The following NBPF12 variants were observed in gnomAD, a reference collection of about 807,000 sequenced individuals.
NBPF12 encodes the protein NBPF member 12.
NBPF12 carries 115 observed loss-of-function variants against 146.4 expected under a neutral mutation model. The ratio of observed to expected loss-of-function variants is 0.79; its 90% CI spans 0.68 to 0.92. The LOEUF is 0.92. Ranked by LOEUF, NBPF12 falls within the 40% of genes least tolerant of loss-of-function variation. The probability of loss-of-function intolerance (pLI) is 0.00; values close to 1 mark genes in which losing one functional copy is unlikely to be tolerated. For missense variants in NBPF12, 1,205 were observed against 1,326.8 expected (o/e 0.91, Z 1.43); for synonymous variants, 385 against 508.9 (o/e 0.76, Z 3.28).
At chr1:146,974,037 C>G (rs1427366768) in intron 14 of NBPF12, among the ~76,000 whole-genome samples, 1 of 150,904 alleles carries the variant, frequency 6.6e-6, no homozygotes, top group Non-Finnish European at 1.5e-5. Context: ...ACAATAATAC[C>G]TACCTCTGTA....
chr1:146,962,217 A>G, exon 5 of NBPF12: 3 of 1,608,144 alleles, frequency 1.9e-6, no homozygotes, highest in South Asian at 1.1e-5. Context: ...GCGACAGTTC[A>G]AGGAGGAGAA....
chr1:146,962,005 G>T (rs1266861886), intron 4 of NBPF12, among the ~76,000 whole-genome samples, 156 bp from the exon 8 acceptor site: 1 of 152,030 alleles, frequency 6.6e-6, no homozygotes, highest in Admixed American at 6.5e-5. Context: ...CAGAAAGTCA[G>T]GAGACTGAAG....
intron 2 of NBPF12, 144 bp from the exon 6 acceptor site, chr1:146,959,715 A>C: frequency 2.0e-5 from 1 of 49,662 alleles, no homozygotes; most frequent in Non-Finnish European, 3.4e-5. Context: ...CTGAGAGTGA[A>C]TGCTGAAGGA....
rs1486922082 is a variant in NBPF12 at position 146,984,882 on chromosome 1, A to C, written c.2736A>C (p.Ser912=). ...AGGACTCACTGGATAGATGTTATTCAACTCCTTCAGTTTATCTTGGACTGA... is the reference window on the plus strand; with the variant it reads ...AGGACTCACTGGATAGATGTTATTCCACTCCTTCAGTTTATCTTGGACTGA... Residue 912 remains serine (S), a synonymous_variant, in exon 22 of 34, where the codon TCA becomes TCC. Coordinates refer to ENST00000617844, the Ensembl canonical transcript of NBPF12. 114 of 1,562,304 alleles carry C rather than the reference A, an allele frequency of 7.3e-5. 2 individuals are homozygous for C. Among genetic ancestry groups the C allele is most frequent in the Admixed American group, 3.1e-4 (18 of 58,484 alleles).
chr1:146,982,524 G>T (rs1464205800), intron 19 of NBPF12, among the ~76,000 whole-genome samples: 2 of 151,864 alleles, frequency 1.3e-5, no homozygotes, highest in Admixed American at 6.6e-5. Flanking sequence ...TTGGGAAAAT[G>T]GGGCCCTTAA....
At chr1:146,981,290 A>T (rs1178975327) in intron 19 of NBPF12, among the ~76,000 whole-genome samples, 18,293 of 105,858 alleles carry the variant, frequency 0.17, 1,807 homozygotes, top group Admixed American at 0.28. Flanking sequence ...AAAAAAAAAA[A>T]AAAAATATAT....
chr1:146,994,715 A>C, exon 34 of NBPF12: 1 of 1,414,800 alleles, frequency 7.1e-7, no homozygotes, highest in Non-Finnish European at 9.5e-7. Flanking sequence ...CTATTCTCAG[A>C]GCATGCCAGT....
chr1:146,955,697 A>C (rs1655552893), intron 2 of NBPF12, among the ~76,000 whole-genome samples: 1 of 149,736 alleles, frequency 6.7e-6, no homozygotes, highest in South Asian at 2.1e-4. Flanking sequence ...TTCCTCTGGA[A>C]CCTCAGTTAA....
intron 11 of NBPF12, 77 bp from the exon 15 acceptor site, chr1:146,970,569 GT>G: frequency 6.5e-7 from 1 of 1,536,912 alleles, no homozygotes; most frequent in Admixed American, 1.7e-5. Flanking sequence ...AGATGTTCAT[GT>G]CTCTGTGCAC....
intron 12 of NBPF12, 149 bp downstream of exon 15, chr1:146,970,868 T>A: frequency 2.0e-6 from 2 of 980,424 alleles, no homozygotes; most frequent in Non-Finnish European, 3.3e-6. Flanking sequence ...ACACAGGGTG[T>A]GGCAGCTGTC....
exon 8 of NBPF12, chr1:146,964,997 A>T: frequency 1.2e-6 from 2 of 1,608,186 alleles, no homozygotes; most frequent in South Asian, 2.2e-5. Context: ...ATCCAGCCTC[A>T]CAAGAACATC....
chr1:146,962,964 C>T, intron 5 of NBPF12, 131 bp from the exon 9 acceptor site: 1 of 660,004 alleles, frequency 1.5e-6, no homozygotes, highest in Non-Finnish European at 2.7e-6. Flanking sequence ...CACAGACATT[C>T]CTTTCAACAT....
At chr1:146,939,503 C>G (rs1341560461) in intron 1 of NBPF12, among the ~76,000 whole-genome samples, 2 of 151,984 alleles carry the variant, frequency 1.3e-5, no homozygotes, top group Non-Finnish European at 2.9e-5. Context: ...TGAATCACCT[C>G]ATGACTAGCG....
Position 146,973,981 on chromosome 1 carries a change from C to T in NBPF12, c.1802-758C>T, listed in dbSNP as rs1189161857. On this transcript the variant is annotated intron_variant, in intron 14 of 33. Transcript: ENST00000617844. ...TGTCTCCTGGGCTCCATCCAAGTTGCTTGTCTTGTCTGTCCCTCAGTTTCC... is the reference window on the plus strand; with the variant it reads ...TGTCTCCTGGGCTCCATCCAAGTTGTTTGTCTTGTCTGTCCCTCAGTTTCC... Among the ~76,000 whole-genome samples the T allele has an allele frequency of 4.0e-5, 6 of 150,900 alleles. 1 individual carries two copies. Among genetic ancestry groups the T allele is most frequent in the African/African-American group, 1.5e-4 (6 of 40,530 alleles).
chr1:146,976,584 A>T (rs1657043897), intron 16 of NBPF12, among the ~76,000 whole-genome samples: 1 of 147,146 alleles, frequency 6.8e-6, no homozygotes, highest in South Asian at 2.2e-4. Context: ...TTGAAATGCA[A>T]ACTGTGACAG....
chr1:146,942,134 G>C (rs1300220943), intron 1 of NBPF12, among the ~76,000 whole-genome samples: 1 of 150,864 alleles, frequency 6.6e-6, no homozygotes, highest in Non-Finnish European at 1.5e-5. Flanking sequence ...CTGGGATTAC[G>C]GCATGCACCA....
intron 1 of NBPF12, among the ~76,000 whole-genome samples, chr1:146,939,858 C>G (rs1654716923): frequency 1.3e-5 from 2 of 151,930 alleles, no homozygotes; most frequent in South Asian, 2.1e-4. Context: ...TGGCAGGTGC[C>G]TGTAGTCCCA....
At chr1:146,941,041 G>T (rs1292398002) in intron 1 of NBPF12, among the ~76,000 whole-genome samples, 1 of 151,858 alleles carries the variant, frequency 6.6e-6, no homozygotes, top group Non-Finnish European at 1.5e-5. Context: ...TGCAGCTTGC[G>T]TTTTCACTCT....
chr1:146,962,976 T>C (rs1363776569), intron 5 of NBPF12, 119 bp from the exon 9 acceptor site: 40 of 682,488 alleles, frequency 5.9e-5, no homozygotes, highest in Admixed American at 3.5e-4. Flanking sequence ...TTTCAACATG[T>C]GCTGACCTTC....
Sources: allele counts gnomAD v4.1 joint callset (sites outside exome capture counted in the v4.1 genomes callset), GRCh38; gene constraint gnomAD v4.1.1; transcripts MANE v1.5; gene names NCBI Gene and HGNC (gene_info 2026-07-23, HGNC 2026-07-21).